The following GRIK4 variants were observed in gnomAD, a reference collection of about 807,000 sequenced individuals.
GRIK4 encodes glutamate receptor ionotropic, kainate 4.
A neutral mutation model predicts 104.9 loss-of-function variants in GRIK4; 40 were observed. The ratio of observed to expected loss-of-function variants is 0.38; its 90% CI spans 0.30 to 0.50. The LOEUF is 0.50. Ranked by LOEUF, GRIK4 falls within the 20% of genes least tolerant of loss-of-function variation. GRIK4 has a pLI of 0.93. For missense variants in GRIK4, 1,047 were observed against 1,308.1 expected, an observed-to-expected ratio of 0.80 and a Z score of 3.08; for synonymous variants, 485 against 524.9, an observed-to-expected ratio of 0.92 and a Z score of 1.04.
chr11:120,680,054 T>G (rs1950164703), intron 3 of GRIK4, among the ~76,000 whole-genome samples: 1 of 152,014 alleles, frequency 6.6e-6, no homozygotes, highest in Middle Eastern at 3.2e-3. Flanking sequence ...ATATATGACC[T>G]CCTCCTCTGA....
chr11:120,645,802 G>A (rs1949535609), intron 1 of GRIK4, among the ~76,000 whole-genome samples: 1 of 152,204 alleles, frequency 6.6e-6, no homozygotes, highest in Admixed American at 6.5e-5. Context: ...GAAAACGAAA[G>A]CATTGGGAAG....
At chr11:120,847,325 T>A (rs1011957660) in intron 8 of GRIK4, among the ~76,000 whole-genome samples, 2 of 152,162 alleles carry the variant, frequency 1.3e-5, no homozygotes, top group African/African-American at 4.8e-5. Flanking sequence ...AGAATAAAAT[T>A]CTGATTTTCC....
chr11:120,685,804 T>C (rs1950266251), intron 3 of GRIK4, among the ~76,000 whole-genome samples: 1 of 152,200 alleles, frequency 6.6e-6, no homozygotes, highest in African/African-American at 2.4e-5. Flanking sequence ...CCTTCTCTTA[T>C]TGCTAACAAC....
intron 18 of GRIK4, among the ~76,000 whole-genome samples, chr11:120,963,264 GCTGA>G (rs751749782): frequency 6.6e-6 from 1 of 152,368 alleles, no homozygotes; most frequent in South Asian, 2.1e-4. Flanking sequence ...TGTTCAGCCT[GCTGA>G]CTGTCAGCCC....
chr11:120,807,749 G>C (rs1490588026), intron 4 of GRIK4, among the ~76,000 whole-genome samples: 1 of 152,186 alleles, frequency 6.6e-6, no homozygotes, highest in Admixed American at 6.5e-5. Flanking sequence ...GGAGCTACCC[G>C]CATCATAGGC....
intron 4 of GRIK4, among the ~76,000 whole-genome samples, chr11:120,811,802 C>A (rs1189391992): frequency 6.6e-6 from 1 of 152,036 alleles, no homozygotes; most frequent in Admixed American, 6.6e-5. Context: ...GCATACAGCC[C>A]ACATTTTATA....
chr11:120,846,157 A>G (rs1953847747), intron 8 of GRIK4, among the ~76,000 whole-genome samples: 1 of 152,216 alleles, frequency 6.6e-6, no homozygotes, highest in Admixed American at 6.5e-5. Context: ...TTGACTGAAG[A>G]TTTATTTTTT....
At chr11:120,610,666 T>C (rs1018987715) in intron 1 of GRIK4, among the ~76,000 whole-genome samples, 3 of 152,200 alleles carry the variant, frequency 2.0e-5, no homozygotes, top group Non-Finnish European at 2.9e-5. Context: ...GCATGTTCTT[T>C]GTGGTCTGCG....
At chr11:120,699,620 A>G (rs936842376) in intron 3 of GRIK4, among the ~76,000 whole-genome samples, 1 of 152,008 alleles carries the variant, frequency 6.6e-6, no homozygotes, top group Non-Finnish European at 1.5e-5. Flanking sequence ...TTAAAGAGAA[A>G]AATAAAGCAG....
intron 1 of GRIK4, among the ~76,000 whole-genome samples, chr11:120,558,645 T>C (rs1948210350): frequency 6.6e-6 from 1 of 152,228 alleles, no homozygotes; most frequent in African/African-American, 2.4e-5. Context: ...TGTTCAGTTC[T>C]GACAGTTGTG....
At chr11:120,879,869 T>G (rs917664242) in intron 11 of GRIK4, among the ~76,000 whole-genome samples, 1 of 152,174 alleles carries the variant, frequency 6.6e-6, no homozygotes, top group Non-Finnish European at 1.5e-5. Context: ...CTTCCTGATT[T>G]GGGAGAAATC....
chr11:120,836,174 G>A (rs1953571425), intron 7 of GRIK4, among the ~76,000 whole-genome samples: 2 of 152,204 alleles, frequency 1.3e-5, no homozygotes, highest in Admixed American at 1.3e-4. Context: ...AGTCCTGAAG[G>A]GGGAGTATAG....
chr11:120,928,945 A>G (rs979253804), intron 13 of GRIK4, among the ~76,000 whole-genome samples: 2 of 150,162 alleles, frequency 1.3e-5, no homozygotes, highest in Admixed American at 6.7e-5. Flanking sequence ...ATGGGCTCGC[A>G]CTGGTTAGCA....
intron 1 of GRIK4, among the ~76,000 whole-genome samples, chr11:120,634,462 G>T (rs546538311): frequency 2.0e-5 from 3 of 152,172 alleles, no homozygotes; most frequent in Admixed American, 2.0e-4. Context: ...TTGTAACACA[G>T]AGTTCCCTCC....
chr11:120,732,816 C>T (rs1951159293), intron 3 of GRIK4, among the ~76,000 whole-genome samples: 2 of 152,294 alleles, frequency 1.3e-5, no homozygotes, highest in South Asian at 4.1e-4. Flanking sequence ...ATTCTGCAGC[C>T]ACTGGATGAA....
intron 20 of GRIK4, among the ~76,000 whole-genome samples, chr11:120,982,685 C>A (rs1445087227): frequency 1.3e-5 from 2 of 152,204 alleles, no homozygotes; most frequent in East Asian, 3.9e-4. Flanking sequence ...CTATGCCACT[C>A]TTCTTCCAAC....
chr11:120,792,046 A>G (rs1204915916), intron 3 of GRIK4, among the ~76,000 whole-genome samples: 2 of 152,196 alleles, frequency 1.3e-5, no homozygotes, highest in African/African-American at 4.8e-5. Context: ...TGAAGACTAG[A>G]TGAATGATGG....
At chr11:120,820,999 T>G (rs1953110894) in intron 6 of GRIK4, among the ~76,000 whole-genome samples, 1 of 152,056 alleles carries the variant, frequency 6.6e-6, no homozygotes, top group African/African-American at 2.4e-5. Context: ...TTGGAGGTGT[T>G]AGATCTCCCC....
chr11:120,986,006 C>G lies in GRIK4; in HGVS notation c.2617C>G (p.Pro873Ala). 6.5e-7 allele frequency: 1 copy of G among 1,528,290 alleles called. No individual in the cohort carries two copies. The highest frequency in any genetic ancestry group is 8.8e-7 in the Non-Finnish European group (1 of 1,138,474). 94.7% of individuals were successfully genotyped at this position (1,528,290 alleles called of 1,614,324 possible). Residue 873 changes from proline to alanine, a missense_variant, in exon 21 of 21, where the codon CCC becomes GCC. Physicochemically the swap from Pro to Ala is conservative, Grantham distance 27. This residue lies in a region of GRIK4 where 160 missense variants were observed against 140.9 expected (regional missense o/e 1.14). Coordinates refer to ENST00000527524, the MANE Select transcript of GRIK4 (RefSeq NM_014619.5). Reference protein sequence around the residue: ...RRRAAVPPPRPPIPEERRPRG... With the variant: ...RRRAAVPPPRAPIPEERRPRG... ...GCGCGCCGCAGTCCCGCCGCCCCGG[C>G]CCCCCATCCCCGAGGAGCGCCGACC...
Sources: gnomAD v4.1 joint callset for allele counts (sites outside exome capture counted in the v4.1 genomes callset) on GRCh38, gnomAD v4.1.1 for gene constraint, gnomAD v4.1.1 regional missense constraint, MANE v1.5 for transcripts, NCBI Gene and HGNC (gene_info 2026-07-23, HGNC 2026-07-21) for gene names.